SYNDIG1: variants seen among roughly 807,000 people sequenced by gnomAD.
SYNDIG1 encodes the protein synapse differentiation-inducing gene protein 1.
A neutral mutation model predicts 19.4 loss-of-function variants in SYNDIG1; 9 were observed. The ratio of observed to expected loss-of-function variants is 0.46; its 90% CI spans 0.28 to 0.81. SYNDIG1 has a LOEUF of 0.81. Among genes scored for constraint, SYNDIG1 ranks in the 30% least tolerant of loss-of-function variants. The pLI is 0.12. For synonymous variants in SYNDIG1, 141 were observed against 145.9 expected (o/e 0.97, Z 0.24); for missense variants, 311 against 343.3 (o/e 0.91, Z 0.74).
rs558832287 is a variant in SYNDIG1 at position 24,490,669 on chromosome 20, A to G, written c.-79+20916A>G. On this transcript the variant is annotated intron_variant, in intron 1 of 3. Coordinates refer to ENST00000376862, the MANE Select transcript of SYNDIG1 (RefSeq NM_024893.3). ...ATGTGCAGTGCTCAGCAGGATTGTC[A>G]CGAAGCAGGGGCCGGCATGACAGCT... 9.2e-5 allele frequency among the ~76,000 whole-genome samples: 14 copies of G among 152,316 alleles called. 1 individual carries two copies. The South Asian group carries it at 2.7e-3, about 29-fold the overall frequency.
chr20:24,623,893 C>T (rs2059077803), intron 3 of SYNDIG1, among the ~76,000 whole-genome samples: 1 of 152,140 alleles, frequency 6.6e-6, no homozygotes, highest in Non-Finnish European at 1.5e-5. Flanking sequence ...AAGATGGCAA[C>T]CATTAATCTG....
chr20:24,521,733 A>T, intron 1 of SYNDIG1, among the ~76,000 whole-genome samples: 2 of 152,002 alleles, frequency 1.3e-5, no homozygotes, highest in East Asian at 3.9e-4. Flanking sequence ...CCCCGTCTCT[A>T]CTAAAAATAC....
rs184850516 is a variant in SYNDIG1 at position 24,517,082 on chromosome 20, A to G, written c.-78-25938A>G. ...AACCAAACACCGCATGTTCTCAATC[A>G]TAGGTGGGAATTGAACAATGAGAAC... is the stretch of plus-strand genomic sequence containing the variant. On this transcript the variant is annotated intron_variant, in intron 1 of 3. Coordinates refer to ENST00000376862, the MANE Select transcript of SYNDIG1 (RefSeq NM_024893.3). Among the ~76,000 whole-genome samples, 282 of 152,222 alleles carry G rather than the reference A, an allele frequency of 1.9e-3. 2 individuals carry two copies. The highest frequency in any genetic ancestry group is 1.4e-3 in the East Asian group (7 of 5,174).
intron 2 of SYNDIG1, among the ~76,000 whole-genome samples, chr20:24,574,205 C>A (rs964646144): frequency 1.3e-5 from 2 of 151,856 alleles, no homozygotes; most frequent in Non-Finnish European, 1.5e-5. Context: ...AGGCGGGGCA[C>A]GGTGGCTCAC....
At chr20:24,513,320 C>A (rs2056790374) in intron 1 of SYNDIG1, among the ~76,000 whole-genome samples, 1 of 152,168 alleles carries the variant, frequency 6.6e-6, no homozygotes, top group Non-Finnish European at 1.5e-5. Flanking sequence ...GACGATCAAA[C>A]TTCTCCAAGC....
chr20:24,605,017 C>A (rs2147142768), intron 3 of SYNDIG1, among the ~76,000 whole-genome samples: 1 of 152,182 alleles, frequency 6.6e-6, no homozygotes, highest in South Asian at 2.1e-4. Flanking sequence ...CCAAGTTTTC[C>A]CTTGAGAGTC....
At chr20:24,659,518 G>A (rs1031448554) in intron 3 of SYNDIG1, among the ~76,000 whole-genome samples, 1 of 152,222 alleles carries the variant, frequency 6.6e-6, no homozygotes, top group South Asian at 2.1e-4. Context: ...AGACACAAGG[G>A]CCCAGACAGG....
intron 1 of SYNDIG1, among the ~76,000 whole-genome samples, chr20:24,486,273 TG>T (rs1397821185): frequency 6.6e-6 from 1 of 152,128 alleles, no homozygotes; most frequent in African/African-American, 2.4e-5. Context: ...GCTGGAGAGG[TG>T]GCAACCCCCT....
intron 1 of SYNDIG1, among the ~76,000 whole-genome samples, chr20:24,510,369 G>A (rs1359046331): frequency 6.6e-6 from 1 of 150,728 alleles, no homozygotes; most frequent in Non-Finnish European, 1.5e-5. Context: ...AGGAGTTCAA[G>A]ACCAGCCTGG....
At chr20:24,486,735 C>T (rs1263695501) in intron 1 of SYNDIG1, among the ~76,000 whole-genome samples, 3 of 151,892 alleles carry the variant, frequency 2.0e-5, no homozygotes, top group Non-Finnish European at 4.4e-5. Flanking sequence ...CTCGGTTCCC[C>T]GAAACCTCCA....
At chr20:24,645,971 G>C (rs141731129) in intron 3 of SYNDIG1, among the ~76,000 whole-genome samples, 2 of 152,250 alleles carry the variant, frequency 1.3e-5, no homozygotes, top group African/African-American at 4.8e-5. Flanking sequence ...TGTGCTTCCC[G>C]TGGGAATGTG....
chr20:24,582,833 C>T (rs1308395693), intron 2 of SYNDIG1, among the ~76,000 whole-genome samples: 4 of 152,238 alleles, frequency 2.6e-5, no homozygotes, highest in Admixed American at 6.5e-5. Flanking sequence ...CATGAAGCAG[C>T]CACCACAGCA....
At chr20:24,592,109 T>C (rs1385599582) in intron 3 of SYNDIG1, among the ~76,000 whole-genome samples, 1 of 152,224 alleles carries the variant, frequency 6.6e-6, no homozygotes, top group African/African-American at 2.4e-5. Flanking sequence ...TAAAGGTATT[T>C]ATTATTTCTC....
intron 1 of SYNDIG1, among the ~76,000 whole-genome samples, chr20:24,503,207 G>T (rs952149611): frequency 6.6e-6 from 1 of 152,156 alleles, no homozygotes; most frequent in East Asian, 1.9e-4. Flanking sequence ...GCCAGAAGGC[G>T]GCTTGTAATG....
In SYNDIG1 at chr20:24,473,723, C is replaced by G. The variant is rs115545513; in HGVS notation, c.-79+3970C>G. On this transcript the variant is annotated intron_variant, in intron 1 of 3. Coordinates refer to ENST00000376862, the MANE Select transcript of SYNDIG1 (RefSeq NM_024893.3). The stretch of plus-strand genomic sequence containing the variant: ...CATGAGCAGACATAGGCTCCAGAAT[C>G]TGGAAGGTCCCATTTGTTTTCTCAG... Among the ~76,000 whole-genome samples, 523 of 152,296 alleles carry G rather than the reference C, an allele frequency of 3.4e-3. 3 individuals carry two copies. Among genetic ancestry groups the G allele is most frequent in the African/African-American group, 0.012 (498 of 41,554 alleles).
At chr20:24,521,463 G>T (rs1337320249) in intron 1 of SYNDIG1, among the ~76,000 whole-genome samples, 6 of 152,136 alleles carry the variant, frequency 3.9e-5, no homozygotes, top group African/African-American at 1.4e-4. Flanking sequence ...AGGACCCACC[G>T]TCTTGTCTTC....
At chr20:24,475,234 AC>A (rs940868778) in intron 1 of SYNDIG1, among the ~76,000 whole-genome samples, 2 of 152,212 alleles carry the variant, frequency 1.3e-5, no homozygotes, top group Non-Finnish European at 2.9e-5. Context: ...CCCAGTGGAA[AC>A]CCAGTAGCCA....
At chr20:24,665,122 T>C (rs1258373344) in intron 3 of SYNDIG1, among the ~76,000 whole-genome samples, 2 of 152,180 alleles carry the variant, frequency 1.3e-5, no homozygotes, top group Non-Finnish European at 2.9e-5. Flanking sequence ...AAGAAGTCTG[T>C]CTTCCCTGCG....
chr20:24,617,100 C>T (rs1461093334), intron 3 of SYNDIG1, among the ~76,000 whole-genome samples: 1 of 152,178 alleles, frequency 6.6e-6, no homozygotes, highest in African/African-American at 2.4e-5. Flanking sequence ...GTTTACATAA[C>T]AGACAGAAAA....
Sources: allele counts gnomAD v4.1 joint callset (sites outside exome capture counted in the v4.1 genomes callset), GRCh38; gene constraint gnomAD v4.1.1; transcripts MANE v1.5; gene names NCBI Gene and HGNC (gene_info 2026-07-23, HGNC 2026-07-21).